The following AUTS2 variants were observed in gnomAD, a reference collection of about 807,000 sequenced individuals.
AUTS2 encodes activator of transcription and developmental regulator AUTS2, also known as autism susceptibility gene 2 protein.
AUTS2 carries 17 observed loss-of-function variants against 112.4 expected under a neutral mutation model. That is an observed-to-expected ratio of 0.15 (90% CI 0.10 to 0.23). The LOEUF (loss-of-function observed/expected upper bound fraction) is 0.23. AUTS2 is among the 10% of genes least tolerant of loss of function. The pLI is 1.00. For synonymous variants in AUTS2, 751 were observed against 702.7 expected (o/e 1.07, Z -1.09); for missense variants, 1,510 against 1,701.6 (o/e 0.89, Z 1.98).
intron 6 of AUTS2, among the ~76,000 whole-genome samples, chr7:70,730,922 C>T (rs944664197): frequency 5.9e-5 from 9 of 152,146 alleles, no homozygotes; most frequent in African/African-American, 2.2e-4. Flanking sequence ...TTGCTATTGT[C>T]TGTGTTTCTG....
chr7:70,366,127 A>G (rs56141566), intron 4 of AUTS2, among the ~76,000 whole-genome samples: 3,254 of 152,358 alleles, frequency 0.021, 99 homozygotes, highest in African/African-American at 0.062. Context: ...AGCTTATGTT[A>G]GTCCTTCATT....
intron 2 of AUTS2, among the ~76,000 whole-genome samples, chr7:69,947,007 A>G (rs929928404): frequency 1.3e-5 from 2 of 152,150 alleles, no homozygotes; most frequent in Non-Finnish European, 2.9e-5. Flanking sequence ...CTCGTTTGAT[A>G]CTAGAATTCA....
At chr7:70,359,482 T>C (rs2129626022) in intron 4 of AUTS2, among the ~76,000 whole-genome samples, 1 of 152,308 alleles carries the variant, frequency 6.6e-6, no homozygotes, top group Admixed American at 6.5e-5. Context: ...GGCACTGGCA[T>C]CTGCTTGGCT....
chr7:70,367,143 G>A (rs975004041), intron 4 of AUTS2, among the ~76,000 whole-genome samples: 5 of 152,018 alleles, frequency 3.3e-5, no homozygotes, highest in South Asian at 2.1e-4. Flanking sequence ...AAAATTAGCC[G>A]GGTGTGGTCT....
chr7:70,224,965 T>C (rs1381435380), intron 4 of AUTS2, among the ~76,000 whole-genome samples: 1 of 152,246 alleles, frequency 6.6e-6, no homozygotes, highest in African/African-American at 2.4e-5. Flanking sequence ...AAGTGTATTC[T>C]ATGAGTTCAT....
At chr7:70,775,114 T>G in intron 12 of AUTS2, 1 of 534,484 alleles carries the variant, frequency 1.9e-6, no homozygotes, top group South Asian at 2.6e-5. Context: ...GGCACATTGC[T>G]ATTGATTAAA....
chr7:70,347,193 C>G (rs544916883), intron 4 of AUTS2, among the ~76,000 whole-genome samples: 14 of 152,186 alleles, frequency 9.2e-5, no homozygotes, highest in Non-Finnish European at 2.1e-4. Flanking sequence ...AAACTTACTT[C>G]TTGTATTACT....
intron 5 of AUTS2, among the ~76,000 whole-genome samples, chr7:70,497,784 C>T (rs1411046907): frequency 6.6e-6 from 1 of 152,148 alleles, no homozygotes; most frequent in Non-Finnish European, 1.5e-5. Context: ...ATCTTCCACA[C>T]AGCCAGTCTG....
At chr7:70,671,007 A>G (rs1199979692) in intron 5 of AUTS2, among the ~76,000 whole-genome samples, 1 of 152,142 alleles carries the variant, frequency 6.6e-6, no homozygotes, top group African/African-American at 2.4e-5. Context: ...TCCCATCTCT[A>G]ATAAAAATAC....
rs532173437 is a variant in AUTS2 at position 69,640,535 on chromosome 7, T to C, written c.309+40573T>C. Among the ~76,000 whole-genome samples the C allele has an allele frequency of 7.9e-5, 12 of 152,370 alleles. No homozygotes were observed. In the South Asian group the frequency reaches 1.9e-3, roughly 24 times the overall value. On this transcript the variant is annotated intron_variant, in intron 1 of 18. Transcript: ENST00000342771. Reference sequence around the variant, plus strand: ...CTTGAATACATTTCCCAGAAAGTATTCCTTACCTTCCATAGAAAAATGCGG... The same window carrying C: ...CTTGAATACATTTCCCAGAAAGTATCCCTTACCTTCCATAGAAAAATGCGG...
chr7:70,790,650 G>C lies in AUTS2; in HGVS notation c.3434G>C (p.Arg1145Pro), dbSNP rs371317370. The part of the protein sequence containing the change: ...LSVDPRREHE[R>P]GGHLDERERL... ...GTGGACCCTCGGCGGGAGCACGAGCGGGGAGGCCACCTGGACGAGCGGGAG... is the reference window on the plus strand; with the variant it reads ...GTGGACCCTCGGCGGGAGCACGAGCCGGGAGGCCACCTGGACGAGCGGGAG... Residue 1145 changes from arginine (R) to proline (P), a missense_variant, in exon 19 of 19, where the codon CGG becomes CCG. Coordinates refer to ENST00000342771, the MANE Select transcript of AUTS2 (RefSeq NM_015570.4). This position sits in a 1 kb window ranked among gnomAD's most constrained non-coding sequence, Gnocchi z 7.6. 10 of 1,612,902 alleles carry C rather than the reference G, an allele frequency of 6.2e-6. No homozygotes were observed. Among genetic ancestry groups the C allele is most frequent in the Non-Finnish European group, 8.5e-6 (10 of 1,179,664 alleles).
At chr7:70,039,104 C>T (rs1018837733) in intron 2 of AUTS2, among the ~76,000 whole-genome samples, 1 of 151,962 alleles carries the variant, frequency 6.6e-6, no homozygotes, top group South Asian at 2.1e-4. Flanking sequence ...ACAAACCTTA[C>T]AATTATTGTA....
chr7:70,033,989 A>G (rs1429813694), intron 2 of AUTS2, among the ~76,000 whole-genome samples: 1 of 152,184 alleles, frequency 6.6e-6, no homozygotes, highest in Non-Finnish European at 1.5e-5. Flanking sequence ...AGGAAATGAT[A>G]AATGTTAGAG....
chr7:69,604,037 A>C (rs2129071943), intron 1 of AUTS2, among the ~76,000 whole-genome samples: 1 of 152,304 alleles, frequency 6.6e-6, no homozygotes, highest in East Asian at 1.9e-4. Context: ...CAGCTGACCA[A>C]GGGAAGCTAA....
In AUTS2 at chr7:70,018,209, C is replaced by T. The variant is rs1029117175; in HGVS notation, c.523-99923C>T. ...TCATGAAGTTTATACATGTAGGACT[C>T]TTTTTTTTTTAACGCCTTTAACTAC... On this transcript the variant is annotated intron_variant, in intron 2 of 18. Transcript: ENST00000342771. Among the ~76,000 whole-genome samples the T allele has an allele frequency of 4.7e-4, 69 of 148,108 alleles. 1 individual carries two copies. The highest frequency in any genetic ancestry group is 1.5e-3 in the African/African-American group (60 of 40,570).
At chr7:70,672,006 G>C (rs964430891) in intron 5 of AUTS2, among the ~76,000 whole-genome samples, 4 of 152,262 alleles carry the variant, frequency 2.6e-5, no homozygotes, top group African/African-American at 9.6e-5. Flanking sequence ...AGGGAAGACA[G>C]AGCAGCCTGA....
chr7:69,910,951 A>C (rs777192988), intron 2 of AUTS2, among the ~76,000 whole-genome samples: 3 of 152,216 alleles, frequency 2.0e-5, no homozygotes, highest in Non-Finnish European at 4.4e-5. Flanking sequence ...TAAAACCATC[A>C]GATCTCTTGA....
intron 1 of AUTS2, among the ~76,000 whole-genome samples, chr7:69,822,421 G>A (rs1461082717): frequency 1.3e-5 from 2 of 152,164 alleles, no homozygotes; most frequent in Non-Finnish European, 2.9e-5. Flanking sequence ...CAGGAATTGG[G>A]ACCAGTTGGG....
At chr7:69,783,128 A>T (rs1404707007) in intron 1 of AUTS2, among the ~76,000 whole-genome samples, 1 of 108,380 alleles carries the variant, frequency 9.2e-6, no homozygotes, top group Non-Finnish European at 1.8e-5. Flanking sequence ...CACTTATCCC[A>T]CTTGACATTG....
Sources: allele counts gnomAD v4.1 joint callset (sites outside exome capture counted in the v4.1 genomes callset), GRCh38; gene constraint gnomAD v4.1.1; non-coding constraint Gnocchi (gnomAD v3.1); transcripts MANE v1.5; gene names NCBI Gene and HGNC (gene_info 2026-07-23, HGNC 2026-07-21).